Variants in IL10RB observed in about 807,000 individuals in gnomAD.
IL10RB encodes interleukin 10 receptor subunit beta.
A neutral mutation model predicts 38.7 loss-of-function variants in IL10RB; 30 were observed. That is an observed-to-expected ratio of 0.78 (90% CI 0.58 to 1.05). IL10RB has a LOEUF of 1.05. IL10RB is among the 50% of genes least tolerant of loss of function. IL10RB has a pLI of 0.00. For missense variants in IL10RB, 328 were observed against 397.1 expected (o/e 0.83, Z 1.48); for synonymous variants, 142 against 145.9 (o/e 0.97, Z 0.19).
chr21:33,275,722 T>C (rs1278237835), intron 2 of IL10RB, among the ~76,000 whole-genome samples: 1 of 152,268 alleles, frequency 6.6e-6, no homozygotes, highest in Non-Finnish European at 1.5e-5. Flanking sequence ...CCAAGGGGCC[T>C]GTTGTGGCCT....
In IL10RB at chr21:33,292,334, T is replaced by C. The variant is rs7278828; in HGVS notation, c.805-3850T>C. Among the ~76,000 whole-genome samples the C allele has an allele frequency of 8.1e-3, 1,231 of 152,306 alleles. 15 individuals carry two copies. Among genetic ancestry groups the C allele is most frequent in the African/African-American group, 0.028 (1,163 of 41,566 alleles). ...GGGCTGAAGTGCAGCAGCGGGCCACTTTCGGTGTGTGCCCACATACCATGC... is the reference window on the plus strand; with the variant it reads ...GGGCTGAAGTGCAGCAGCGGGCCACCTTCGGTGTGTGCCCACATACCATGC... On this transcript the variant is annotated intron_variant, in intron 6 of 6. Transcript: ENST00000290200.
intron 2 of IL10RB, among the ~76,000 whole-genome samples, chr21:33,275,997 A>G (rs1989163003): frequency 6.6e-6 from 1 of 152,272 alleles, no homozygotes; most frequent in Admixed American, 6.5e-5. Context: ...GAGAATTACC[A>G]AAATGTGACA....
At chr21:33,266,900 G>GC (rs1988962469) in intron 1 of IL10RB, among the ~76,000 whole-genome samples, 1 of 152,014 alleles carries the variant, frequency 6.6e-6, no homozygotes, top group African/African-American at 2.4e-5. Context: ...TCAAGTGGAG[G>GC]CCCCCACCAG....
At chr21:33,283,030 A>G (rs1601833043) in intron 4 of IL10RB, 64 bp from the exon 5 acceptor site, 3 of 643,060 alleles carry the variant, frequency 4.7e-6, no homozygotes, top group Admixed American at 3.2e-5. Flanking sequence ...GATAAATGTG[A>G]AAAAAAAAAA....
intron 3 of IL10RB, among the ~76,000 whole-genome samples, chr21:33,278,135 T>C (rs1298525018): frequency 4.6e-5 from 7 of 151,580 alleles, no homozygotes; most frequent in Non-Finnish European, 8.8e-5. Context: ...GAGAGTCATC[T>C]GAGCCTGGGA....
At chr21:33,267,601 C>T (rs1238816944) in intron 1 of IL10RB, among the ~76,000 whole-genome samples, 2 of 150,486 alleles carry the variant, frequency 1.3e-5, no homozygotes, top group Non-Finnish European at 3.0e-5. Context: ...CTGCCACCTC[C>T]GCCTCCCGGG....
intron 6 of IL10RB, among the ~76,000 whole-genome samples, chr21:33,294,814 G>A (rs1396492648): frequency 6.6e-6 from 1 of 152,222 alleles, no homozygotes; most frequent in East Asian, 1.9e-4. Flanking sequence ...GAGCACTGGT[G>A]GACCTAGGAA....
intron 5 of IL10RB, among the ~76,000 whole-genome samples, chr21:33,284,331 A>G (rs1989336603): frequency 6.6e-6 from 1 of 152,022 alleles, no homozygotes; most frequent in Non-Finnish European, 1.5e-5. Context: ...AACATTTCAA[A>G]TAGCTTGCAA....
Position 33,296,336 on chromosome 21 carries a change from T to C in IL10RB, c.957T>C (p.Pro319=). 1 of 1,613,868 alleles carries C rather than the reference T, an allele frequency of 6.2e-7. No individual in the cohort carries two copies. Among genetic ancestry groups the C allele is most frequent in the Non-Finnish European group, 8.5e-7 (1 of 1,179,990 alleles). Residue 319 remains proline, a synonymous_variant, in exon 7 of 7, where the codon CCT becomes CCC. Transcript: ENST00000290200. ...ACAGCTGCAGCCTCGGGACCCCGCC[T>C]GGGCAGGGGCCCCAAAGCTAGGCTC... ...PGDSCSLGTP[P]GQGPQS
At chr21:33,285,692 G>A (rs1293173271) in intron 5 of IL10RB, among the ~76,000 whole-genome samples, 1 of 152,160 alleles carries the variant, frequency 6.6e-6, no homozygotes, top group Non-Finnish European at 1.5e-5. Context: ...AAATAACAGG[G>A]CGGGGCCCAT....
At chr21:33,276,490 C>A in intron 2 of IL10RB, 106 bp from the exon 3 acceptor site, 2 of 847,130 alleles carry the variant, frequency 2.4e-6, no homozygotes, top group Non-Finnish European at 2.1e-6. Context: ...ATGTTTAACA[C>A]AGTTTCCACT....
intron 1 of IL10RB, among the ~76,000 whole-genome samples, chr21:33,267,514 T>G (rs541170665): frequency 0.022 from 1,995 of 88,734 alleles, 30 homozygotes; most frequent in South Asian, 0.11. Flanking sequence ...TTTTTTGTTT[T>G]TTTGTTTTTT....
At chr21:33,297,962 G>T (rs115861239), downstream of IL10RB, among the ~76,000 whole-genome samples, 166 of 152,318 alleles carry the variant, frequency 1.1e-3, 1 homozygote, top group African/African-American at 3.9e-3. Context: ...TTCAAAAACT[G>T]CAGGGCAGAC....
Position 33,276,564 on chromosome 21 carries a change from C to G in IL10RB, c.174-32C>G, listed in dbSNP as rs756571163. On this transcript the variant is annotated intron_variant, in intron 2 of 6. Coordinates refer to ENST00000290200, the MANE Select transcript of IL10RB (RefSeq NM_000628.5). Reference sequence around the variant, plus strand: ...CCTCAGGGAGACTGAAGCCAGAACTCTCCTGATTGACCTATCTTTTTGATT... The same window carrying G: ...CCTCAGGGAGACTGAAGCCAGAACTGTCCTGATTGACCTATCTTTTTGATT... The G allele has an allele frequency of 3.8e-6, 6 of 1,598,932 alleles. No individual in the cohort carries two copies. In the South Asian group the frequency reaches 6.6e-5, roughly 18 times the overall value.
chr21:33,272,695 C>T (rs1989102950), intron 2 of IL10RB, among the ~76,000 whole-genome samples: 1 of 152,218 alleles, frequency 6.6e-6, no homozygotes, highest in Non-Finnish European at 1.5e-5. Flanking sequence ...GATCCTCTGC[C>T]TCGGCCTCCC....
intron 4 of IL10RB, 101 bp downstream of exon 4, chr21:33,280,019 A>G (rs1161025176): frequency 1.2e-5 from 12 of 1,013,922 alleles, no homozygotes; most frequent in African/African-American, 3.2e-5. Flanking sequence ...CTGTAAGCCA[A>G]GAGCTTCCCA....
At chr21:33,288,381 GCACACACACA>G in intron 6 of IL10RB, 120 bp downstream of exon 6, 1 of 548,428 alleles carries the variant, frequency 1.8e-6, no homozygotes, top group Non-Finnish European at 3.3e-6. Flanking sequence ...ACGCGCGCGC[GCACACACACA>G]CACACACACA....
At chr21:33,288,368 C>T in intron 6 of IL10RB, 107 bp downstream of exon 6, 1 of 752,812 alleles carries the variant, frequency 1.3e-6, no homozygotes. Context: ...CAGGAAAACA[C>T]ACACGCGCGC....
intron 2 of IL10RB, among the ~76,000 whole-genome samples, chr21:33,273,714 C>T (rs2051679627): frequency 6.6e-6 from 1 of 152,238 alleles, no homozygotes; most frequent in South Asian, 2.1e-4. Flanking sequence ...ACCCTGCTAT[C>T]AACTAAGTTT....
Sources: allele counts gnomAD v4.1 joint callset (sites outside exome capture counted in the v4.1 genomes callset), GRCh38; gene constraint gnomAD v4.1.1; transcripts MANE v1.5; gene names NCBI Gene and HGNC (gene_info 2026-07-23, HGNC 2026-07-21).